OTOGL: variants seen among roughly 807,000 people sequenced by gnomAD.
OTOGL encodes otogelin like, also known as otogelin-like protein.
In OTOGL, 285 loss-of-function variants were observed where a neutral mutation model predicts 318.5. That is an observed-to-expected ratio of 0.89 (90% confidence interval 0.81 to 0.99). OTOGL has a LOEUF of 0.99. Ranked by LOEUF, OTOGL falls within the 50% of genes least tolerant of loss-of-function variation. The pLI is 0.00. For synonymous variants in OTOGL, 987 were observed against 936.5 expected, an observed-to-expected ratio of 1.05 and a Z score of -0.99; for missense variants, 2,899 against 2,845.6, an observed-to-expected ratio of 1.02 and a Z score of -0.43.
rs1386792326 is a variant in OTOGL, at chr12:80,278,229, T to A, written c.2743T>A (p.Trp915Arg). 1.9e-6 allele frequency: 3 copies of A among 1,546,770 alleles called. No individual in the cohort carries two copies. In the African/African-American group the frequency reaches 4.1e-5, roughly 21 times the overall value. Residue 915 changes from tryptophan (W) to arginine (R), a missense_variant, in exon 25 of 59, where the codon TGG becomes AGG. By Grantham distance (101) the Trp-to-Arg change is moderately radical. Around this residue, in one of 3 missense-constraint regions of OTOGL, gnomAD observed 2,607 missense variants for 2,524.9 expected, o/e 1.03. Transcript: ENST00000547103. Reference sequence around the variant, plus strand: ...AAGCTGCCCATGTATTTGGAAAGATTGGGAGTATCTCTCAGGAGAAGTGAT... The same window carrying A: ...AAGCTGCCCATGTATTTGGAAAGATAGGGAGTATCTCTCAGGAGAAGTGAT... Reference protein sequence around the residue: ...PESCPCIWKDWEYLSGEVIAT... With the variant: ...PESCPCIWKDREYLSGEVIAT...
In OTOGL at chr12:80,209,415, G is replaced by A. The variant is rs951313966; in HGVS notation, c.-17G>A. 4.8e-6 allele frequency: 7 copies of A among 1,450,092 alleles called. No homozygotes were observed. In the African/African-American group the frequency reaches 9.9e-5, roughly 21 times the overall value. The allele number at this position is 1,450,092 out of a possible 1,614,324, so 89.8% of individuals were successfully genotyped here. A position where few individuals can be genotyped will look rare whatever the true frequency, so the allele number is the denominator to read the frequency against. On this transcript the variant is annotated splice_region_variant and 5_prime_UTR_variant, in exon 2 of 59. Transcript: ENST00000547103. ...CCATCAATTTGGTTACATTTCAGGGGGAAAGGCTACACTGAAATGAACATT... is the reference window on the plus strand; with the variant it reads ...CCATCAATTTGGTTACATTTCAGGGAGAAAGGCTACACTGAAATGAACATT...
chr12:80,312,154 C>A (rs562021316), intron 30 of OTOGL, among the ~76,000 whole-genome samples: 77 of 152,194 alleles, frequency 5.1e-4, no homozygotes, highest in African/African-American at 1.8e-3. Context: ...CAAAGAATAT[C>A]ACAATTACCT....
At chr12:80,354,222 G>A (rs1889736788) in intron 46 of OTOGL, among the ~76,000 whole-genome samples, 1 of 152,168 alleles carries the variant, frequency 6.6e-6, no homozygotes, top group Non-Finnish European at 1.5e-5. Flanking sequence ...TATAAAGGGA[G>A]TTTCCTCTTC....
intron 37 of OTOGL, among the ~76,000 whole-genome samples, chr12:80,331,066 A>G (rs891121709): frequency 1.1e-4 from 16 of 152,336 alleles, no homozygotes; most frequent in Non-Finnish European, 2.1e-4. Flanking sequence ...TACAATCCCT[A>G]TCAAAATCCC....
At chr12:80,152,133 T>C (rs946013367) in intron 1 of OTOGL, among the ~76,000 whole-genome samples, 3 of 152,012 alleles carry the variant, frequency 2.0e-5, no homozygotes, top group Non-Finnish European at 2.9e-5. Context: ...TGGTGTCTCC[T>C]AGGGCAAGAA....
At chr12:80,325,212 C>A (rs111434721) in intron 35 of OTOGL, among the ~76,000 whole-genome samples, 11 of 151,464 alleles carry the variant, frequency 7.3e-5, no homozygotes, top group African/African-American at 2.7e-4. Flanking sequence ...TCTGTAAGAT[C>A]TGTGAGATCT....
chr12:80,328,914 T>C lies in OTOGL; in HGVS notation c.4280-137T>C, dbSNP rs375969134. 8.9e-6 allele frequency: 9 copies of C among 1,008,012 alleles called. No individual in the cohort carries two copies. In the African/African-American group the frequency reaches 1.3e-4, roughly 15 times the overall value. The allele number at this position is 1,008,012 out of a possible 1,614,324, so 62.4% of individuals were successfully genotyped here. On this transcript the variant is annotated intron_variant, in intron 36 of 58. Coordinates refer to ENST00000547103, the MANE Select transcript of OTOGL (RefSeq NM_001378609.3). ...TTCCCTAATTACTTTTTAAATCATG[T>C]AGATCTTCCACTAACATCTCTCCTG...
At chr12:80,159,517 T>C (rs190075613) in intron 1 of OTOGL, among the ~76,000 whole-genome samples, 54 of 152,008 alleles carry the variant, frequency 3.6e-4, no homozygotes, top group Middle Eastern at 3.4e-3. Context: ...CTGCTTGTTA[T>C]ATTGTTCAAG....
At chr12:80,240,314 T>A (rs1312051168) in intron 11 of OTOGL, among the ~76,000 whole-genome samples, 1 of 152,100 alleles carries the variant, frequency 6.6e-6, no homozygotes, top group Non-Finnish European at 1.5e-5. Context: ...GAACAAATAC[T>A]GTGGCTCTTA....
chr12:80,178,788 G>A lies in OTOGL; in HGVS notation c.-19-30625G>A, dbSNP rs1874717313. Among the ~76,000 whole-genome samples, 3 of 152,302 alleles carry A rather than the reference G, an allele frequency of 2.0e-5. No individual in the cohort carries two copies. In the East Asian group the frequency reaches 5.8e-4, roughly 29 times the overall value. ...GGTACCCTAACTACCAGAGCCAGAA[G>A]GAATATTTAACTTTATAAATCGTTC... On this transcript the variant is annotated intron_variant, in intron 1 of 58. Transcript: ENST00000547103.
chr12:80,313,269 CT>C (rs2137800869), intron 30 of OTOGL, among the ~76,000 whole-genome samples: 1 of 152,144 alleles, frequency 6.6e-6, no homozygotes, highest in East Asian at 1.9e-4. Flanking sequence ...CTTATTATTT[CT>C]TTTGCTAGTT....
At chr12:80,298,296 T>C (rs910824431) in intron 27 of OTOGL, among the ~76,000 whole-genome samples, 1 of 152,134 alleles carries the variant, frequency 6.6e-6, no homozygotes, top group East Asian at 1.9e-4. Context: ...CTGGGGTGCT[T>C]AGGGTGATTG....
rs1340743616 is a variant in OTOGL, at chr12:80,313,574, T to A, written c.3549T>A (p.Tyr1183Ter). 6.2e-7 allele frequency: 1 copy of A among 1,612,416 alleles called. No homozygotes were observed. The highest frequency in any genetic ancestry group is 2.2e-5 in the East Asian group (1 of 44,812). ...CECLCTSIAA[Y>*]AYKCCQEGIS... ...GTTTGTGCACTAGTATAGCTGCATATGCATACAAGTGTTGTCAGGAAGGAA... is the reference window on the plus strand; with the variant it reads ...GTTTGTGCACTAGTATAGCTGCATAAGCATACAAGTGTTGTCAGGAAGGAA... The change falls in exon 31 of 59, where the codon TAT (tyrosine) becomes TAA (stop). Residue 1183 changes from tyrosine (Y) to a stop codon, truncating the protein, a stop_gained. Coordinates refer to ENST00000547103, the MANE Select transcript of OTOGL (RefSeq NM_001378609.3). LOFTEE classifies it high-confidence loss of function.
chr12:80,338,777 A>T (rs1298771404), intron 42 of OTOGL, among the ~76,000 whole-genome samples: 1 of 152,058 alleles, frequency 6.6e-6, no homozygotes, highest in Non-Finnish European at 1.5e-5. Context: ...TGTGTTATCA[A>T]TATAAACATA....
intron 24 of OTOGL, among the ~76,000 whole-genome samples, chr12:80,275,844 T>C (rs1044103575): frequency 6.6e-6 from 1 of 151,800 alleles, no homozygotes. Flanking sequence ...TTAACTTTTT[T>C]TTTTTGCAAT....
chr12:80,344,169 A>G (rs1359913609), intron 44 of OTOGL, among the ~76,000 whole-genome samples: 1 of 152,254 alleles, frequency 6.6e-6, no homozygotes, highest in Non-Finnish European at 1.5e-5. Context: ...GCACATAAAC[A>G]TGAAGAAATA....
intron 46 of OTOGL, among the ~76,000 whole-genome samples, chr12:80,355,229 CTTTTTT>C (rs869285817): frequency 2.0e-5 from 1 of 50,022 alleles, no homozygotes; most frequent in African/African-American, 4.2e-5. Flanking sequence ...TCTTTCTTTT[CTTTTTT>C]TTTTTTTTTT....
chr12:80,210,942 A>C (rs1487227275), intron 3 of OTOGL, 56 bp downstream of exon 3: 1 of 1,222,266 alleles, frequency 8.2e-7, no homozygotes, highest in Non-Finnish European at 1.1e-6. Context: ...GGGAATGAGC[A>C]AACCTCAGCA....
chr12:80,104,296 C>T (rs867822650), intron 1 of OTOGL, among the ~76,000 whole-genome samples: 1 of 152,174 alleles, frequency 6.6e-6, no homozygotes, highest in Non-Finnish European at 1.5e-5. Flanking sequence ...ATCCAGATTG[C>T]TGGGAAGATT....
Sources: allele counts gnomAD v4.1 joint callset (sites outside exome capture counted in the v4.1 genomes callset), GRCh38; gene constraint gnomAD v4.1.1; regional missense constraint gnomAD v4.1.1; transcripts MANE v1.5; gene names NCBI Gene and HGNC (gene_info 2026-07-23, HGNC 2026-07-21).